Variants in MYO1H observed in about 807,000 individuals in gnomAD.
MYO1H encodes unconventional myosin-Ih.
A neutral mutation model predicts 149.3 loss-of-function variants in MYO1H; 118 were observed. The ratio of observed to expected loss-of-function variants is 0.79; its 90% confidence interval spans 0.68 to 0.92. The LOEUF is 0.92. MYO1H is among the 40% of genes least tolerant of loss of function. The pLI, the probability that MYO1H is intolerant of heterozygous loss-of-function variation, is 0.00. For missense variants in MYO1H, 1,212 were observed against 1,280.7 expected (o/e 0.95, Z 0.82); for synonymous variants, 447 against 465.2 (o/e 0.96, Z 0.50).
chr12:109,433,037 G>T, intron 20 of MYO1H, 27 bp downstream of exon 20: 1 of 1,578,574 alleles, frequency 6.3e-7, no homozygotes, highest in Non-Finnish European at 8.7e-7. Context: ...CCACCAAATG[G>T]TCTCTTCCCT....
chr12:109,441,775 G>C, intron 26 of MYO1H, 67 bp downstream of exon 26: 1 of 1,136,448 alleles, frequency 8.8e-7, no homozygotes, highest in East Asian at 2.5e-5. Context: ...GGTGGGGTGC[G>C]GTGGCTCATG....
chr12:109,402,465 T>G (rs534020327), intron 6 of MYO1H, among the ~76,000 whole-genome samples: 1 of 152,214 alleles, frequency 6.6e-6, no homozygotes, highest in Admixed American at 6.5e-5. Flanking sequence ...TGACAAAAGT[T>G]CACCTTGAAA....
intron 15 of MYO1H, among the ~76,000 whole-genome samples, chr12:109,417,606 C>T (rs748647817): frequency 2.0e-5 from 3 of 151,952 alleles, no homozygotes; most frequent in Non-Finnish European, 4.4e-5. Context: ...GGATTACAGG[C>T]GTGAGCCACC....
the MYO1H span, among the ~76,000 whole-genome samples, chr12:109,325,466 A>C: frequency 9.6e-4 from 146 of 152,360 alleles, no homozygotes; most frequent in African/African-American, 3.3e-3. Flanking sequence ...TGTAAAACCC[A>C]AAACCATAAA....
rs527488172 is a variant in MYO1H, at chr12:109,411,094, A to G, written c.1410+326A>G. Among the ~76,000 whole-genome samples, 5 of 152,256 alleles carry G rather than the reference A, an allele frequency of 3.3e-5. No individual in the cohort carries two copies. The East Asian group carries it at 9.6e-4, about 29-fold the overall frequency. On this transcript the variant is annotated intron_variant, in intron 13 of 31. Transcript: ENST00000310903. ...GAGGCAGAGGTTGCAGTGAGCTGAG[A>G]TCATACCACTGCGCTCCAGCCTGGG...
chr12:109,398,715 C>T (rs4766468), intron 5 of MYO1H, among the ~76,000 whole-genome samples: 2 of 139,422 alleles, frequency 1.4e-5, no homozygotes, highest in African/African-American at 5.4e-5. Context: ...CACTCCAGCC[C>T]GGGCAACAAG....
chr12:109,369,177 A>G (rs576208594), intron 1 of MYO1H, among the ~76,000 whole-genome samples: 1 of 152,150 alleles, frequency 6.6e-6, no homozygotes, highest in Admixed American at 6.5e-5. Context: ...TACTAGAGAC[A>G]GGGTTTCACC....
At chr12:109,445,933 A>T in intron 31 of MYO1H, 1 of 985,458 alleles carries the variant, frequency 1.0e-6, no homozygotes, top group Non-Finnish European at 1.2e-6. Context: ...ATCCATAACT[A>T]TCCATAACTT....
chr12:109,312,790 GTTT>G, the MYO1H span, among the ~76,000 whole-genome samples: 33,174 of 145,514 alleles, frequency 0.23, 4,567 homozygotes, highest in Admixed American at 0.36. Context: ...GTTTTGTTTT[GTTT>G]TTTTTTTTTT....
At position 109,434,300 on chromosome 12, in the gene MYO1H, G is replaced by T. The variant is rs183178517; in HGVS notation, c.2064-737G>T. The stretch of plus-strand genomic sequence containing the variant: ...GCTGGGATTGCAGGCGTGAGCCACC[G>T]CGCCCAGCGTGATCTTCTTTTAAGC... On this transcript the variant is annotated intron_variant, in intron 20 of 31. Transcript: ENST00000310903. 2.4e-3 allele frequency among the ~76,000 whole-genome samples: 362 copies of T among 152,196 alleles called. 6 individuals carry two copies. The highest frequency in any genetic ancestry group is 8.5e-3 in the African/African-American group (351 of 41,518).
At chr12:109,360,144 T>G (rs61936482) in intron 1 of MYO1H, among the ~76,000 whole-genome samples, 1 of 151,632 alleles carries the variant, frequency 6.6e-6, no homozygotes. Context: ...CCTGGATGTA[T>G]GTGGATAAAT....
intron 1 of MYO1H, among the ~76,000 whole-genome samples, chr12:109,370,871 G>T (rs574675474): frequency 6.6e-6 from 1 of 152,166 alleles, no homozygotes; most frequent in South Asian, 2.1e-4. Context: ...CCCCTGAGAG[G>T]CTTCTAGAAG....
intron 2 of MYO1H, among the ~76,000 whole-genome samples, chr12:109,390,660 T>C (rs1434114003): frequency 6.6e-6 from 1 of 150,946 alleles, no homozygotes; most frequent in Admixed American, 6.6e-5. Context: ...GTTTTCTTGT[T>C]TGTTTGTTTT....
chr12:109,375,952 G>T (rs7139346), intron 1 of MYO1H, among the ~76,000 whole-genome samples: 10 of 152,094 alleles, frequency 6.6e-5, no homozygotes, highest in Non-Finnish European at 1.0e-4. Context: ...ACACTTCGGC[G>T]TGGGCAACAG....
chr12:109,433,003 T>C, exon 20 of MYO1H: 1 of 1,613,756 alleles, frequency 6.2e-7, no homozygotes, highest in Non-Finnish European at 8.5e-7. Flanking sequence ...GGAATACAAG[T>C]TAGGCAAGTA....
intron 1 of MYO1H, among the ~76,000 whole-genome samples, chr12:109,375,888 AG>A (rs1869077792): frequency 6.6e-6 from 1 of 152,184 alleles, no homozygotes; most frequent in African/African-American, 2.4e-5. Flanking sequence ...CTAAGGCAAG[AG>A]GATCATTTGA....
chr12:109,319,234 T>C, the MYO1H span, among the ~76,000 whole-genome samples: 1 of 152,140 alleles, frequency 6.6e-6, no homozygotes, highest in African/African-American at 2.4e-5. Flanking sequence ...CTCCATGCAA[T>C]GGAATATTCA....
At chr12:109,366,339 T>C (rs1868863939) in intron 1 of MYO1H, among the ~76,000 whole-genome samples, 1 of 152,180 alleles carries the variant, frequency 6.6e-6, no homozygotes, top group African/African-American at 2.4e-5. Context: ...CCATCAACTT[T>C]AAGTGCCTGA....
At chr12:109,392,117 A>G (rs1869681098) in intron 2 of MYO1H, among the ~76,000 whole-genome samples, 1 of 152,154 alleles carries the variant, frequency 6.6e-6, no homozygotes, top group African/African-American at 2.4e-5. Flanking sequence ...TGGCATTTTC[A>G]TCATGAAATC....
Sources: gnomAD v4.1 joint callset for allele counts (sites outside exome capture counted in the v4.1 genomes callset) on GRCh38, gnomAD v4.1.1 for gene constraint, MANE v1.5 for transcripts, NCBI Gene and HGNC (gene_info 2026-07-23, HGNC 2026-07-21) for gene names.